Variants in RIMS2 observed in about 807,000 individuals in gnomAD.
RIMS2 encodes regulating synaptic membrane exocytosis protein 2.
In RIMS2, 59 loss-of-function variants were observed where a neutral mutation model predicts 174.4. The observed-to-expected ratio is 0.34, with a 90% CI of 0.27 to 0.42. RIMS2 has a LOEUF of 0.42. Ranked by LOEUF, RIMS2 falls within the 10% of genes least tolerant of loss-of-function variation. The pLI is 1.00. For missense variants in RIMS2, 1,620 were observed against 1,666.3 expected (o/e 0.97, Z 0.48); for synonymous variants, 606 against 572.5 (o/e 1.06, Z -0.84).
intron 1 of RIMS2, among the ~76,000 whole-genome samples, chr8:103,582,274 C>G (rs989580463): frequency 6.6e-6 from 1 of 152,140 alleles, no homozygotes; most frequent in Admixed American, 6.5e-5. Flanking sequence ...ACTGAATAAC[C>G]AGCAGCAATA....
At chr8:104,172,814 T>G (rs1255166152) in intron 19 of RIMS2, among the ~76,000 whole-genome samples, 1 of 152,240 alleles carries the variant, frequency 6.6e-6, no homozygotes, top group Non-Finnish European at 1.5e-5. Context: ...TCTTCTTGGA[T>G]AATTTTAAAA....
chr8:103,565,014 G>C (rs1052443929), intron 1 of RIMS2, among the ~76,000 whole-genome samples: 1 of 152,182 alleles, frequency 6.6e-6, no homozygotes, highest in Non-Finnish European at 1.5e-5. Flanking sequence ...ATGTAGAGAA[G>C]CCTCATACTT....
chr8:103,880,726 T>C, intron 3 of RIMS2: 1 of 474,872 alleles, frequency 2.1e-6, no homozygotes, highest in Non-Finnish European at 3.8e-6. Flanking sequence ...TTAATTGTGA[T>C]ATGTAAAAAT....
In RIMS2 at chr8:104,082,185, G is replaced by A. The variant is rs879601007; in HGVS notation, c.3334+67570G>A. Among the ~76,000 whole-genome samples the A allele has an allele frequency of 4.0e-4, 61 of 151,604 alleles. 2 individuals carry two copies. The highest frequency in any genetic ancestry group is 2.3e-3 in the Admixed American group (35 of 15,162). On this transcript the variant is annotated intron_variant, in intron 19 of 23. Transcript: ENST00000504942. ...AGTGAGTAAAGAAGGAATAAAGGAC[G>A]GAAGGGAAAGGGGATGAAGAGAGGG... is the stretch of plus-strand genomic sequence containing the variant.
At chr8:103,608,085 T>C (rs1478836224) in intron 1 of RIMS2, among the ~76,000 whole-genome samples, 4 of 150,086 alleles carry the variant, frequency 2.7e-5, no homozygotes, top group Non-Finnish European at 5.9e-5. Context: ...CTCTGCTTTT[T>C]AATTTCCAGT....
At chr8:103,619,093 GAAA>G (rs56210078) in intron 1 of RIMS2, among the ~76,000 whole-genome samples, 17,368 of 107,100 alleles carry the variant, frequency 0.16, 1,185 homozygotes, top group Non-Finnish European at 0.22. Context: ...ACTTTTTGCT[GAAA>G]AAAAAAAAAA....
chr8:103,871,542 A>G (rs2099111949), intron 3 of RIMS2, among the ~76,000 whole-genome samples: 1 of 151,880 alleles, frequency 6.6e-6, no homozygotes, highest in Admixed American at 6.6e-5. Flanking sequence ...TTTCTATATG[A>G]TCTACCACTT....
In RIMS2 at chr8:104,250,997, A is replaced by T. The variant is rs780676213; in HGVS notation, c.3692-27A>T. 3 of 1,603,340 alleles carry T rather than the reference A, an allele frequency of 1.9e-6. No homozygotes were observed. In the Admixed American group the frequency reaches 5.1e-5, roughly 27 times the overall value. On this transcript the variant is annotated intron_variant, in intron 22 of 23. Transcript: ENST00000504942. ...ATTTCATGTCCATAGTTTATTGCTC[A>T]TTCTCCTCTGTGTTTTCTTTCCCAA... is the stretch of plus-strand genomic sequence containing the variant.
At chr8:104,093,530 C>T in intron 19 of RIMS2, 1 of 1,596,962 alleles carries the variant, frequency 6.3e-7, no homozygotes, top group East Asian at 2.2e-5. Flanking sequence ...AATCTTCGGA[C>T]AGTGATGTAA....
chr8:104,147,301 C>T (rs1371796435), intron 19 of RIMS2, among the ~76,000 whole-genome samples: 2 of 151,982 alleles, frequency 1.3e-5, no homozygotes, highest in Non-Finnish European at 2.9e-5. Context: ...ATGTATGCCA[C>T]ATTTTTTTCT....
intron 19 of RIMS2, among the ~76,000 whole-genome samples, chr8:104,037,169 G>C (rs1290650664): frequency 6.6e-6 from 1 of 152,030 alleles, no homozygotes; most frequent in Non-Finnish European, 1.5e-5. Context: ...GTTTTTATAG[G>C]AGACTTCTAT....
intron 1 of RIMS2, among the ~76,000 whole-genome samples, chr8:103,623,806 T>A (rs10109372): frequency 0.18 from 26,740 of 151,386 alleles, 2,551 homozygotes; most frequent in African/African-American, 0.24. Flanking sequence ...TTTTTTTTTT[T>A]AAAAAGGAAG....
At chr8:104,042,495 G>A (rs141479983) in intron 19 of RIMS2, among the ~76,000 whole-genome samples, 1 of 151,444 alleles carries the variant, frequency 6.6e-6, no homozygotes, top group Non-Finnish European at 1.5e-5. Flanking sequence ...AAATGATAAT[G>A]GTCTGAATTA....
At chr8:104,064,744 A>T (rs947826381) in intron 19 of RIMS2, among the ~76,000 whole-genome samples, 1 of 152,090 alleles carries the variant, frequency 6.6e-6, no homozygotes, top group Non-Finnish European at 1.5e-5. Flanking sequence ...ATACATTAAC[A>T]GATTATCACA....
intron 3 of RIMS2, among the ~76,000 whole-genome samples, chr8:103,884,741 G>C (rs1210898551): frequency 6.6e-6 from 1 of 151,806 alleles, no homozygotes; most frequent in African/African-American, 2.4e-5. Context: ...AAAAGGGTTG[G>C]AGACATGATG....
At chr8:103,740,191 G>C (rs2097745584) in intron 2 of RIMS2, among the ~76,000 whole-genome samples, 1 of 152,202 alleles carries the variant, frequency 6.6e-6, no homozygotes, top group Non-Finnish European at 1.5e-5. Context: ...TAAGATTGTG[G>C]GGCAGTGAAG....
At chr8:103,559,125 G>A in intron 1 of RIMS2, 1 of 146,454 alleles carries the variant, frequency 6.8e-6, no homozygotes, top group East Asian at 2.3e-4. Flanking sequence ...ATCCTCATCA[G>A]CTGCCCATTT....
intron 1 of RIMS2, among the ~76,000 whole-genome samples, chr8:103,548,632 C>T (rs1017157523): frequency 3.9e-4 from 60 of 152,118 alleles, no homozygotes; most frequent in African/African-American, 1.4e-3. Context: ...CCACTCTTAA[C>T]CATTGCTATT....
At chr8:103,596,657 T>G (rs984965552) in intron 1 of RIMS2, among the ~76,000 whole-genome samples, 8 of 152,066 alleles carry the variant, frequency 5.3e-5, no homozygotes, top group Admixed American at 1.3e-4. Flanking sequence ...ATGTACTCCT[T>G]GTACATGTGC....
Sources: allele counts gnomAD v4.1 joint callset (sites outside exome capture counted in the v4.1 genomes callset), GRCh38; gene constraint gnomAD v4.1.1; transcripts MANE v1.5; gene names NCBI Gene and HGNC (gene_info 2026-07-23, HGNC 2026-07-21).